Variants in OSBPL10 observed in about 807,000 individuals in gnomAD.
The protein encoded by OSBPL10 is oxysterol-binding protein-related protein 10.
OSBPL10 carries 49 observed loss-of-function variants against 81.7 expected under a neutral mutation model. The ratio of observed to expected loss-of-function variants is 0.60; its 90% CI spans 0.48 to 0.76. The LOEUF (loss-of-function observed/expected upper bound fraction) is 0.76, where lower values mean the gene tolerates loss of function less well. Ranked by LOEUF, OSBPL10 falls within the 30% of genes least tolerant of loss-of-function variation. The pLI is 0.00. For missense variants in OSBPL10, 923 were observed against 987.8 expected (o/e 0.93, Z 0.88); for synonymous variants, 419 against 383.6 (o/e 1.09, Z -1.08).
At chr3:32,026,042 A>AGATAGATAGATAGATAGATAGATAGAT (rs1553649768) in intron 2 of OSBPL10, among the ~76,000 whole-genome samples, 5 of 121,866 alleles carry the variant, frequency 4.1e-5, no homozygotes, top group African/African-American at 1.6e-4. Flanking sequence ...ATAGATAGAT[A>AGATAGATAGATAGATAGATAGATAGAT]GATAGATAGA....
chr3:31,860,857 GTT>G lies in OSBPL10; in HGVS notation c.537+15574_537+15575del, dbSNP rs68080421. ...GCTAATTTTTGTGGGGTTTTTTGGGGTTTTTTTTTTTGGGTTTTTTTTTTTGT... is the reference window on the plus strand; with the variant it reads ...GCTAATTTTTGTGGGGTTTTTTGGGGTTTTTTTTTGGGTTTTTTTTTTTGT... On this transcript the variant is annotated intron_variant, in intron 3 of 11. Coordinates refer to ENST00000396556, the MANE Select transcript of OSBPL10 (RefSeq NM_017784.5). Among the ~76,000 whole-genome samples, 303 of 108,256 alleles carry G rather than the reference GTT, an allele frequency of 2.8e-3. 1 individual carries two copies. The highest frequency in any genetic ancestry group is 2.6e-3 in the Admixed American group (29 of 11,212). 71.0% of individuals were successfully genotyped at this position (108,256 alleles called of 152,430 possible).
chr3:31,900,604 A>G (rs1696208515), intron 1 of OSBPL10, among the ~76,000 whole-genome samples: 1 of 152,242 alleles, frequency 6.6e-6, no homozygotes, highest in African/African-American at 2.4e-5. Context: ...CAGTTGTTGT[A>G]ACAGCAATTA....
chr3:31,723,261 G>A (rs1238783523), intron 6 of OSBPL10, among the ~76,000 whole-genome samples: 2 of 152,310 alleles, frequency 1.3e-5, no homozygotes, highest in South Asian at 2.1e-4. Flanking sequence ...TTATCTGAGA[G>A]AGAGAAAAGA....
chr3:31,964,699 T>C (rs1442215820), intron 1 of OSBPL10, among the ~76,000 whole-genome samples: 4 of 152,142 alleles, frequency 2.6e-5, no homozygotes, highest in African/African-American at 9.7e-5. Context: ...TAAAATGAAA[T>C]AAACAACACC....
chr3:32,026,416 G>A (rs1466086415), intron 2 of OSBPL10, among the ~76,000 whole-genome samples: 2 of 152,148 alleles, frequency 1.3e-5, no homozygotes, highest in Non-Finnish European at 2.9e-5. Context: ...ATAGGTTCAT[G>A]TGACCATGCC....
rs1239253367 is a variant in OSBPL10, at chr3:32,061,873, G to A, written n.186-15270C>T. Among the ~76,000 whole-genome samples, 9 of 92,628 alleles carry A rather than the reference G, an allele frequency of 9.7e-5. 1 individual carries two copies. The highest frequency in any genetic ancestry group is 2.5e-4 in the African/African-American group (9 of 36,174). 60.8% of individuals were successfully genotyped at this position (92,628 alleles called of 152,430 possible). On this transcript the variant is annotated intron_variant and non_coding_transcript_variant, in intron 1 of 3. Coordinates refer to the OSBPL10 transcript ENST00000479173. Reference sequence around the variant, plus strand: ...AGGCTGGCCTCAAACTCTTGAGCTCGAGGAATCCTCCTGCCTCAGTCTCCC... The same window carrying A: ...AGGCTGGCCTCAAACTCTTGAGCTCAAGGAATCCTCCTGCCTCAGTCTCCC...
At chr3:32,074,284 T>C (rs1699856447) in intron 1 of OSBPL10, among the ~76,000 whole-genome samples, 1 of 152,124 alleles carries the variant, frequency 6.6e-6, no homozygotes, top group South Asian at 2.1e-4. Context: ...CCTTTCTCCT[T>C]ATGTCAATTC....
chr3:31,885,629 A>T (rs573561075), intron 1 of OSBPL10, among the ~76,000 whole-genome samples: 19 of 152,060 alleles, frequency 1.2e-4, no homozygotes, highest in Non-Finnish European at 2.4e-4. Context: ...TTTGTCGGGG[A>T]AGGAACTGGG....
intron 1 of OSBPL10, among the ~76,000 whole-genome samples, chr3:32,053,156 A>AT (rs1244770787): frequency 6.6e-6 from 1 of 151,046 alleles, no homozygotes; most frequent in African/African-American, 2.5e-5. Context: ...CAGGTTTTTC[A>AT]CCAAAAGTAA....
At chr3:31,933,214 T>G (rs1287757420) in intron 1 of OSBPL10, among the ~76,000 whole-genome samples, 2 of 152,136 alleles carry the variant, frequency 1.3e-5, no homozygotes, top group Non-Finnish European at 2.9e-5. Context: ...GTGAGCAGAC[T>G]CATGAATAGA....
intron 1 of OSBPL10, among the ~76,000 whole-genome samples, chr3:31,909,629 G>A (rs537880889): frequency 2.0e-5 from 3 of 152,198 alleles, no homozygotes; most frequent in African/African-American, 4.8e-5. Context: ...AAGTCAGTAC[G>A]GCCACTTGGA....
At chr3:31,707,829 G>A (rs1036274835) in intron 6 of OSBPL10, among the ~76,000 whole-genome samples, 2 of 152,192 alleles carry the variant, frequency 1.3e-5, no homozygotes, top group South Asian at 4.1e-4. Context: ...ACCAGGGCAA[G>A]TGTACTTATG....
intron 2 of OSBPL10, among the ~76,000 whole-genome samples, chr3:32,024,406 G>A (rs570316324): frequency 6.7e-6 from 1 of 149,616 alleles, no homozygotes; most frequent in Admixed American, 6.7e-5. Context: ...TGTTTTCAGT[G>A]TATATATCTA....
chr3:31,762,563 C>T (rs1403092889), intron 4 of OSBPL10, among the ~76,000 whole-genome samples: 1 of 151,552 alleles, frequency 6.6e-6, no homozygotes, highest in Non-Finnish European at 1.5e-5. Flanking sequence ...GCCTCACTCT[C>T]CCAGGCTGCC....
At chr3:31,822,913 T>TAAAAAA (rs71097447) in intron 4 of OSBPL10, among the ~76,000 whole-genome samples, 5,466 of 88,814 alleles carry the variant, frequency 0.062, 524 homozygotes, top group East Asian at 0.44. Context: ...CCCCCAACTC[T>TAAAAAA]AAAAAAAAAA....
At chr3:31,836,475 G>C (rs1700359614) in intron 3 of OSBPL10, among the ~76,000 whole-genome samples, 1 of 152,096 alleles carries the variant, frequency 6.6e-6, no homozygotes, top group South Asian at 2.1e-4. Flanking sequence ...AACAAAACTT[G>C]ACATTTTCTG....
intron 4 of OSBPL10, among the ~76,000 whole-genome samples, chr3:31,749,544 C>T (rs1697649031): frequency 6.6e-6 from 1 of 152,154 alleles, no homozygotes; most frequent in Admixed American, 6.6e-5. Context: ...TTTTTAGCTG[C>T]TTGCAGTGGC....
intron 4 of OSBPL10, among the ~76,000 whole-genome samples, chr3:31,778,112 G>A (rs963884585): frequency 2.6e-5 from 4 of 152,232 alleles, no homozygotes; most frequent in Non-Finnish European, 5.9e-5. Flanking sequence ...GAAAGCCATG[G>A]TTGCTTTCTC....
chr3:32,060,689 C>T lies in OSBPL10; in HGVS notation n.186-14086G>A, dbSNP rs1458790589. On this transcript the variant is annotated intron_variant and non_coding_transcript_variant, in intron 1 of 3. Transcript: ENST00000479173. ...CCACTTCCATGGGCAGGCACAGTGG[C>T]TCATGCCTGTAATCCCAGTACTTTG... Among the ~76,000 whole-genome samples the T allele has an allele frequency of 4.4e-5, 4 of 91,946 alleles. 1 individual carries two copies. Among genetic ancestry groups the T allele is most frequent in the African/African-American group, 1.1e-4 (4 of 35,808 alleles). 60.3% of individuals were successfully genotyped at this position (91,946 alleles called of 152,430 possible).
Sources: allele counts gnomAD v4.1 joint callset (sites outside exome capture counted in the v4.1 genomes callset), GRCh38; gene constraint gnomAD v4.1.1; transcripts MANE v1.5; gene names NCBI Gene and HGNC (gene_info 2026-07-23, HGNC 2026-07-21).